ESCO1: variants seen among roughly 807,000 people sequenced by gnomAD.
ESCO1 encodes the protein N-acetyltransferase ESCO1.
Under a neutral mutation model 83.5 loss-of-function variants are expected in ESCO1, and 33 were observed. The ratio of observed to expected loss-of-function variants is 0.40; its 90% CI spans 0.30 to 0.53. The LOEUF is 0.53. Ranked by LOEUF, ESCO1 falls within the 20% of genes least tolerant of loss-of-function variation. The pLI is 0.63. For missense variants in ESCO1, 855 were observed against 968.0 expected, an observed-to-expected ratio of 0.88 and a Z score of 1.55; for synonymous variants, 332 against 324.3, an observed-to-expected ratio of 1.02 and a Z score of -0.25.
intron 2 of ESCO1, among the ~76,000 whole-genome samples, chr18:21,579,794 G>A (rs9960250): frequency 0.11 from 3,966 of 37,062 alleles, 182 homozygotes; most frequent in South Asian, 0.3. Context: ...ACGCGCGCGC[G>A]CACACACACA....
Position 21,573,768 on chromosome 18 carries a change from T to A in ESCO1, c.1076A>T (p.Asp359Val). The change falls in exon 4 of 12, where the codon GAT becomes GTT. Residue 359 changes from aspartate (D) to valine (V), a missense_variant. Asp to Val is a radical substitution (Grantham distance 152, BLOSUM62 -3). Around this residue, in one of 2 missense-constraint regions of ESCO1, gnomAD observed 726 missense variants for 699.5 expected, o/e 1.04. Transcript: ENST00000269214. The part of the protein sequence containing the change: ...QILHQKETNQ[D>V]VQCNRFFPSR... ...TGGGAAAAAACGATTACATTGCACA[T>A]CCTGATTTGTTTCCTTCTGATGAAG... The A allele has an allele frequency of 6.2e-7, 1 of 1,614,198 alleles. No individual in the cohort carries two copies. The highest frequency in any genetic ancestry group is 1.1e-5 in the South Asian group (1 of 91,086).
At chr18:21,559,221 T>C (rs2038151929) in intron 8 of ESCO1, among the ~76,000 whole-genome samples, 1 of 152,190 alleles carries the variant, frequency 6.6e-6, no homozygotes, top group African/African-American at 2.4e-5. Context: ...CTAAACTCAA[T>C]TCCTTCTCTT....
chr18:21,552,046 T>C (rs75090189), intron 8 of ESCO1, among the ~76,000 whole-genome samples: 3,821 of 152,278 alleles, frequency 0.025, 173 homozygotes, highest in African/African-American at 0.085. Context: ...AAAAGGTCAG[T>C]TCTTCCTGAT....
chr18:21,541,250 C>A (rs574925975), intron 8 of ESCO1, among the ~76,000 whole-genome samples: 1 of 152,154 alleles, frequency 6.6e-6, no homozygotes, highest in East Asian at 1.9e-4. Context: ...CCACAGAAGT[C>A]CTTTTTTCAT....
chr18:21,544,375 G>A (rs2037944336), intron 8 of ESCO1, among the ~76,000 whole-genome samples: 1 of 152,008 alleles, frequency 6.6e-6, no homozygotes, highest in Non-Finnish European at 1.5e-5. Context: ...TGGGGGCCAA[G>A]GCAGGCGGAT....
At chr18:21,586,586 T>G (rs116204371) in intron 1 of ESCO1, among the ~76,000 whole-genome samples, 1 of 152,254 alleles carries the variant, frequency 6.6e-6, no homozygotes, top group Non-Finnish European at 1.5e-5. Context: ...TTTTTGTACA[T>G]TGATCTTGTG....
Position 21,573,975 on chromosome 18 carries a change from T to C in ESCO1, c.869A>G (p.Asn290Ser). The change falls in exon 4 of 12, where the codon AAT (asparagine) becomes AGT (serine). Residue 290 changes from asparagine to serine, a missense_variant. Coordinates refer to ENST00000269214, the MANE Select transcript of ESCO1 (RefSeq NM_052911.3). ...GCTCTTTCCTGCTTGCTCCAGCTCA[T>C]TATCACTTTGTTCAGGCACTGATGG... Reference protein sequence around the residue: ...PQPSVPEQSDNELEQAGKSKR... With the variant: ...PQPSVPEQSDSELEQAGKSKR... 6.2e-7 allele frequency: 1 copy of C among 1,613,894 alleles called. No individual in the cohort carries two copies. Among genetic ancestry groups the C allele is most frequent in the South Asian group, 1.1e-5 (1 of 91,036 alleles).
chr18:21,563,520 G>A (rs935117542), intron 7 of ESCO1, among the ~76,000 whole-genome samples: 22 of 152,008 alleles, frequency 1.4e-4, no homozygotes, highest in African/African-American at 4.8e-4. Context: ...GCTAATTTTT[G>A]CATTTTTAGT....
chr18:21,545,643 T>C (rs977906037), intron 8 of ESCO1, among the ~76,000 whole-genome samples: 2 of 151,632 alleles, frequency 1.3e-5, no homozygotes, highest in African/African-American at 2.4e-5. Context: ...AAAAGTTAAG[T>C]TGAGGCCGGG....
chr18:21,530,602 C>A, intron 11 of ESCO1, 112 bp from the exon 12 acceptor site: 1 of 1,035,280 alleles, frequency 9.7e-7, no homozygotes, highest in Non-Finnish European at 1.3e-6. Context: ...ACTAAAAAAG[C>A]TTTTTAGATA....
At chr18:21,560,325 ATTTTTTT>A (rs36024258) in intron 8 of ESCO1, among the ~76,000 whole-genome samples, 2 of 143,014 alleles carry the variant, frequency 1.4e-5, no homozygotes, top group African/African-American at 2.6e-5. Flanking sequence ...CTCTGTGGGA[ATTTTTTT>A]TTTTTTTTTA....
Position 21,574,570 on chromosome 18 carries a change from C to T in ESCO1, c.274G>A (p.Gly92Arg), listed in dbSNP as rs1429720314. The T allele has an allele frequency of 1.2e-6, 2 of 1,613,724 alleles. No individual in the cohort carries two copies. The highest frequency in any genetic ancestry group is 2.7e-5 in the African/African-American group (2 of 74,874). The change falls in exon 4 of 12, where the codon GGA becomes AGA. Residue 92 changes from glycine to arginine, a missense_variant. Physicochemically the swap from Gly to Arg is moderately radical, Grantham distance 125. Transcript: ENST00000269214. ...SINKNTVTVR[G>R]YSQESTKKKL... ...TTTTTTGTAGATTCTTGTGAATATC[C>T]CCTCACAGTCACCGTATTTTTATTA...
At chr18:21,548,710 C>CA (rs921879602) in intron 8 of ESCO1, among the ~76,000 whole-genome samples, 2 of 152,068 alleles carry the variant, frequency 1.3e-5, no homozygotes, top group Non-Finnish European at 2.9e-5. Context: ...GAGGCCAAGG[C>CA]AGGCAGGTTG....
At chr18:21,555,496 C>T (rs576063153) in intron 8 of ESCO1, among the ~76,000 whole-genome samples, 1 of 152,104 alleles carries the variant, frequency 6.6e-6, no homozygotes, top group Non-Finnish European at 1.5e-5. Flanking sequence ...AGGCTATACA[C>T]GTGTGGAATT....
chr18:21,579,942 C>CT (rs964625842), intron 2 of ESCO1, among the ~76,000 whole-genome samples: 32 of 150,298 alleles, frequency 2.1e-4, no homozygotes, highest in African/African-American at 7.6e-4. Flanking sequence ...ATTGCTCAGG[C>CT]TGGAGTGCAG....
intron 1 of ESCO1, among the ~76,000 whole-genome samples, chr18:21,586,560 G>A (rs2038585056): frequency 6.6e-6 from 1 of 152,140 alleles, no homozygotes; most frequent in Non-Finnish European, 1.5e-5. Flanking sequence ...ATTCATCACA[G>A]TGTACACAAA....
chr18:21,577,309 A>C (rs1417763457), intron 2 of ESCO1, among the ~76,000 whole-genome samples: 5 of 141,788 alleles, frequency 3.5e-5, no homozygotes, highest in African/African-American at 1.3e-4. Flanking sequence ...GTGAACTGAG[A>C]TCATGCCATT....
intron 1 of ESCO1, among the ~76,000 whole-genome samples, chr18:21,587,153 G>A (rs2038593570): frequency 6.6e-6 from 1 of 152,086 alleles, no homozygotes; most frequent in Admixed American, 6.6e-5. Context: ...ATTTAGTTGA[G>A]GATTTGTGTG....
intron 7 of ESCO1, among the ~76,000 whole-genome samples, chr18:21,563,387 G>A (rs2038214863): frequency 6.6e-6 from 1 of 152,122 alleles, no homozygotes; most frequent in South Asian, 2.1e-4. Context: ...TCGCTCTGTT[G>A]CCCAGGCTGG....
Sources: allele counts gnomAD v4.1 joint callset (sites outside exome capture counted in the v4.1 genomes callset), GRCh38; gene constraint gnomAD v4.1.1; regional missense constraint gnomAD v4.1.1; transcripts MANE v1.5; gene names NCBI Gene and HGNC (gene_info 2026-07-23, HGNC 2026-07-21).